The following ASTN2 variants were observed in gnomAD, a reference collection of about 807,000 sequenced individuals.
ASTN2 encodes the protein astrotactin 2.
Under a neutral mutation model 139.8 loss-of-function variants are expected in ASTN2, and 54 were observed. The ratio of observed to expected loss-of-function variants is 0.39; its 90% CI spans 0.31 to 0.48. ASTN2 has a LOEUF of 0.48. ASTN2 is among the 20% of genes least tolerant of loss of function. The probability of loss-of-function intolerance (pLI) is 0.95; values close to 1 mark genes in which losing one functional copy is unlikely to be tolerated. For missense variants in ASTN2, 1,565 were observed against 1,725.1 expected, an observed-to-expected ratio of 0.91 and a Z score of 1.64; for synonymous variants, 756 against 719.5, an observed-to-expected ratio of 1.05 and a Z score of -0.81.
chr9:117,047,262 T>C (rs1236337633), intron 5 of ASTN2, among the ~76,000 whole-genome samples: 2 of 152,186 alleles, frequency 1.3e-5, no homozygotes, highest in Non-Finnish European at 2.9e-5. Flanking sequence ...GTGTCTCTTA[T>C]ATCAGGGGTT....
intron 20 of ASTN2, among the ~76,000 whole-genome samples, chr9:116,445,460 AAT>A (rs1250248375): frequency 2.6e-5 from 4 of 152,166 alleles, no homozygotes; most frequent in Admixed American, 6.5e-5. Flanking sequence ...GAAAAGTAGG[AAT>A]ATGTTTTAAC....
At chr9:116,495,319 A>G (rs368723937) in intron 19 of ASTN2, among the ~76,000 whole-genome samples, 45 of 152,076 alleles carry the variant, frequency 3.0e-4, no homozygotes, top group Non-Finnish European at 6.0e-4. Context: ...CTCTCCCCCA[A>G]TCTCAGTCTA....
At chr9:116,774,713 C>G (rs901368105) in intron 13 of ASTN2, among the ~76,000 whole-genome samples, 1 of 151,936 alleles carries the variant, frequency 6.6e-6, no homozygotes, top group African/African-American at 2.4e-5. Flanking sequence ...CCAGTGAAGG[C>G]TAGAAGCTTG....
rs1830025965 is a variant in ASTN2 at position 117,372,916 on chromosome 9, T to C, written c.442+41581A>G. ...CTTGGATTTGGAACCGGAATATTTC[T>C]ACTTGATTCTCGTGGTTCTAACACT... On this transcript the variant is annotated intron_variant, in intron 1 of 22. Transcript: ENST00000313400. Among the ~76,000 whole-genome samples the C allele has an allele frequency of 2.0e-5, 3 of 152,130 alleles. No homozygotes were observed. The South Asian group carries it at 6.2e-4, about 32-fold the overall frequency.
In ASTN2 at chr9:116,555,970, G is replaced by GA. The variant is rs529499612; in HGVS notation, c.3355+62353dup. On this transcript the variant is annotated intron_variant, in intron 19 of 22. Transcript: ENST00000313400. ...ATCAACTCACAGCATGGCAGCACCAGACTGGGCAAAAATAATTGGCATTCA... is the reference window on the plus strand; with the variant it reads ...ATCAACTCACAGCATGGCAGCACCAGAACTGGGCAAAAATAATTGGCATTCA... 1.3e-4 allele frequency among the ~76,000 whole-genome samples: 20 copies of GA among 152,280 alleles called. 1 individual carries two copies. The South Asian group carries it at 3.9e-3, about 30-fold the overall frequency.
intron 1 of ASTN2, among the ~76,000 whole-genome samples, chr9:117,293,989 G>A (rs1001089303): frequency 7.2e-5 from 11 of 152,328 alleles, no homozygotes; most frequent in African/African-American, 1.4e-4. Context: ...AGTTGAAGGC[G>A]GAGCGAGCAG....
At chr9:116,551,540 T>G (rs1169378742) in intron 19 of ASTN2, among the ~76,000 whole-genome samples, 1 of 152,214 alleles carries the variant, frequency 6.6e-6, no homozygotes, top group Non-Finnish European at 1.5e-5. Flanking sequence ...GTTACTGTAT[T>G]TCCTTTCCTC....
intron 19 of ASTN2, among the ~76,000 whole-genome samples, chr9:116,543,141 T>G (rs1851945588): frequency 6.6e-6 from 1 of 151,472 alleles, no homozygotes; most frequent in South Asian, 2.1e-4. Context: ...TAGAAAAAAT[T>G]GAAAGAAAAT....
intron 1 of ASTN2, among the ~76,000 whole-genome samples, chr9:117,413,426 G>T (rs1171722127): frequency 9.2e-5 from 14 of 152,378 alleles, no homozygotes; most frequent in Non-Finnish European, 1.3e-4. Context: ...GGGCGCTGTT[G>T]TTGGCCAGAC....
chr9:116,815,432 T>A (rs1164074833), intron 12 of ASTN2, among the ~76,000 whole-genome samples: 1 of 152,120 alleles, frequency 6.6e-6, no homozygotes, highest in African/African-American at 2.4e-5. Flanking sequence ...CAATTTTACC[T>A]CCTAACTGGC....
intron 3 of ASTN2, among the ~76,000 whole-genome samples, chr9:117,204,313 C>T (rs1320840571): frequency 6.6e-6 from 1 of 152,174 alleles, no homozygotes; most frequent in East Asian, 1.9e-4. Flanking sequence ...CCTGCCTCAG[C>T]CTCCCAAAGG....
chr9:116,918,532 G>T (rs1425426332), intron 10 of ASTN2, among the ~76,000 whole-genome samples: 1 of 152,070 alleles, frequency 6.6e-6, no homozygotes, highest in African/African-American at 2.4e-5. Context: ...TCAGATAAGG[G>T]CCAGATTCCA....
chr9:117,114,178 TAA>T (rs199889979), intron 4 of ASTN2, among the ~76,000 whole-genome samples: 1 of 149,758 alleles, frequency 6.7e-6, no homozygotes, highest in Non-Finnish European at 1.5e-5. Flanking sequence ...TTTTTTTTTT[TAA>T]AAAAAAAGTC....
At chr9:117,374,104 A>G (rs893342857) in intron 1 of ASTN2, among the ~76,000 whole-genome samples, 9 of 152,178 alleles carry the variant, frequency 5.9e-5, no homozygotes, top group African/African-American at 2.2e-4. Flanking sequence ...ATATTTTCAG[A>G]TATAGCAACC....
At chr9:116,562,730 C>T (rs1218933132) in intron 19 of ASTN2, among the ~76,000 whole-genome samples, 1 of 70,636 alleles carries the variant, frequency 1.4e-5, no homozygotes, top group Non-Finnish European at 2.5e-5. Context: ...GTGACTGCCT[C>T]ATTAAAAAAA....
intron 16 of ASTN2, among the ~76,000 whole-genome samples, chr9:116,710,163 A>C (rs530438689): frequency 6.6e-6 from 1 of 151,944 alleles, no homozygotes; most frequent in South Asian, 2.1e-4. Flanking sequence ...AACCTCCCCA[A>C]CCTTACCCTA....
rs367559816 is a variant in ASTN2, at chr9:117,214,728, C to T, written c.645G>A (p.Ala215=). The T allele has an allele frequency of 3.6e-5, 54 of 1,500,060 alleles. No homozygotes were observed. The African/African-American group carries it at 7.1e-4, about 20-fold the overall frequency. 92.9% of individuals were successfully genotyped at this position (1,500,060 alleles called of 1,614,324 possible). A position where few individuals can be genotyped will look rare whatever the true frequency, so the allele number is the denominator to read the frequency against. Residue 215 remains alanine (A), a synonymous_variant, in exon 3 of 23, where the codon GCG becomes GCA. Coordinates refer to ENST00000313400, the MANE Select transcript of ASTN2 (RefSeq NM_001365068.1). ...LHISVMGGLI[A]LLLLLLVFTV... The stretch of plus-strand genomic sequence containing the variant: ...TGAACACCAGCAGCAGCAGCAGCAG[C>T]GCGATGAGGCCACCCTGGAGCAGGA...
chr9:117,200,764 C>T (rs1471658732), intron 3 of ASTN2, among the ~76,000 whole-genome samples: 2 of 152,018 alleles, frequency 1.3e-5, no homozygotes, highest in African/African-American at 2.4e-5. Context: ...TTCAGTTCAC[C>T]AGTATTTTAT....
chr9:117,056,195 T>A (rs1180004187), intron 5 of ASTN2, among the ~76,000 whole-genome samples: 1 of 152,246 alleles, frequency 6.6e-6, no homozygotes, highest in African/African-American at 2.4e-5. Flanking sequence ...TTGTGCCTGA[T>A]CCCTGCCCCA....
Sources: gnomAD v4.1 joint callset for allele counts (sites outside exome capture counted in the v4.1 genomes callset) on GRCh38, gnomAD v4.1.1 for gene constraint, MANE v1.5 for transcripts, NCBI Gene and HGNC (gene_info 2026-07-23, HGNC 2026-07-21) for gene names.